Variants in F13A1 observed in about 807,000 individuals in gnomAD.
The protein encoded by F13A1 is FSF, A subunit.
Under a neutral mutation model 80.1 loss-of-function variants are expected in F13A1, and 47 were observed. That is an observed-to-expected ratio of 0.59 (90% CI 0.46 to 0.75). The LOEUF (loss-of-function observed/expected upper bound fraction) is 0.75. Among genes scored for constraint, F13A1 ranks in the 30% least tolerant of loss-of-function variants. The pLI, the probability that F13A1 is intolerant of heterozygous loss-of-function variation, is 0.00. For missense variants in F13A1, 817 were observed against 930.4 expected, an observed-to-expected ratio of 0.88 and a Z score of 1.59; for synonymous variants, 349 against 344.9, an observed-to-expected ratio of 1.01 and a Z score of -0.13.
chr6:6,261,379 C>T (rs1195840567), intron 4 of F13A1, among the ~76,000 whole-genome samples: 3 of 152,214 alleles, frequency 2.0e-5, no homozygotes, highest in Non-Finnish European at 4.4e-5. Context: ...CTCAGCTTCC[C>T]AAGTAGCTGG....
intron 12 of F13A1, among the ~76,000 whole-genome samples, chr6:6,172,722 C>T (rs138058869): frequency 3.5e-4 from 53 of 152,306 alleles, no homozygotes; most frequent in African/African-American, 1.2e-3. Flanking sequence ...GCTGGGATTA[C>T]AGGCATGAGC....
intron 14 of F13A1, among the ~76,000 whole-genome samples, chr6:6,146,860 CAT>C (rs1466603816): frequency 6.6e-6 from 1 of 152,274 alleles, no homozygotes; most frequent in South Asian, 2.1e-4. Context: ...TTTGCACACA[CAT>C]ATTTATAGCA....
In F13A1 at chr6:6,190,012, G is replaced by A. The variant is rs761724830; in HGVS notation, c.1305+5785C>T. ...CTGATACCCTTTCTTCCAGTTGATCGCATCGGCTCCTGAGGCTTCTGCATT... is the reference window on the plus strand; with the variant it reads ...CTGATACCCTTTCTTCCAGTTGATCACATCGGCTCCTGAGGCTTCTGCATT... On this transcript the variant is annotated intron_variant, in intron 10 of 14. Coordinates refer to ENST00000264870, the MANE Select transcript of F13A1 (RefSeq NM_000129.4). Among the ~76,000 whole-genome samples, 224 of 152,020 alleles carry A rather than the reference G, an allele frequency of 1.5e-3. 1 individual carries two copies. Among genetic ancestry groups the A allele is most frequent in the Non-Finnish European group, 9.9e-4 (67 of 67,990 alleles).
At chr6:6,273,084 C>T (rs2113132109) in intron 3 of F13A1, among the ~76,000 whole-genome samples, 1 of 152,284 alleles carries the variant, frequency 6.6e-6, no homozygotes, top group African/African-American at 2.4e-5. Flanking sequence ...ACCCTGAATT[C>T]CTTCCTGCAT....
chr6:6,310,553 G>C lies in F13A1; in HGVS notation c.131-5014C>G, dbSNP rs969704699. On this transcript the variant is annotated intron_variant, in intron 2 of 14. Coordinates refer to ENST00000264870, the MANE Select transcript of F13A1 (RefSeq NM_000129.4). ...TTATTAAGAGAAGTAGAAGAGCATA[G>C]TAAGAGCATAGACTGTGGAGCTAGG... Among the ~76,000 whole-genome samples the C allele has an allele frequency of 1.1e-4, 16 of 152,152 alleles. 1 individual carries two copies. Among genetic ancestry groups the C allele is most frequent in the Non-Finnish European group, 2.4e-4 (16 of 68,030 alleles).
At chr6:6,280,964 A>C (rs1758051865) in intron 3 of F13A1, among the ~76,000 whole-genome samples, 1 of 152,088 alleles carries the variant, frequency 6.6e-6, no homozygotes, top group Non-Finnish European at 1.5e-5. Flanking sequence ...GGAGTTTCAT[A>C]CTGTTTGCGG....
intron 13 of F13A1, among the ~76,000 whole-genome samples, chr6:6,159,397 C>A (rs982183845): frequency 6.6e-6 from 1 of 152,120 alleles, no homozygotes. Flanking sequence ...ATGAAAAGCT[C>A]CAGTTAGAAC....
chr6:6,180,338 A>T (rs915378256), intron 11 of F13A1, among the ~76,000 whole-genome samples: 1 of 152,176 alleles, frequency 6.6e-6, no homozygotes, highest in African/African-American at 2.4e-5. Flanking sequence ...CCTGTGCCAG[A>T]GCAATTCTCA....
At chr6:6,281,962 C>T (rs1305133811) in intron 3 of F13A1, among the ~76,000 whole-genome samples, 2 of 144,500 alleles carry the variant, frequency 1.4e-5, no homozygotes, top group Non-Finnish European at 3.0e-5. Flanking sequence ...CCACTGCACT[C>T]CAGCCTGGGC....
In F13A1 at chr6:6,179,519, G is replaced by A. The variant is rs143122838; in HGVS notation, c.1459+2469C>T. ...TCAGGGTGGTAAGTACTGAGCCACG[G>A]ATATGACGAGTCCTCACTGCATGCC... On this transcript the variant is annotated intron_variant, in intron 11 of 14. Transcript: ENST00000264870. 2.9e-3 allele frequency among the ~76,000 whole-genome samples: 434 copies of A among 152,270 alleles called. 3 individuals are homozygous for A. Among genetic ancestry groups the A allele is most frequent in the African/African-American group, 9.9e-3 (413 of 41,570 alleles).
At chr6:6,180,330 T>C (rs1341852406) in intron 11 of F13A1, among the ~76,000 whole-genome samples, 1 of 152,220 alleles carries the variant, frequency 6.6e-6, no homozygotes, top group African/African-American at 2.4e-5. Context: ...CCGTCCACCC[T>C]GTGCCAGAGC....
intron 3 of F13A1, among the ~76,000 whole-genome samples, chr6:6,303,478 A>G (rs1758465778): frequency 6.6e-6 from 1 of 152,228 alleles, no homozygotes; most frequent in East Asian, 1.9e-4. Flanking sequence ...ATCAAAATAT[A>G]CATTGTGGAT....
At chr6:6,185,713 T>C (rs1297759762) in intron 10 of F13A1, among the ~76,000 whole-genome samples, 1 of 152,124 alleles carries the variant, frequency 6.6e-6, no homozygotes, top group Non-Finnish European at 1.5e-5. Flanking sequence ...GCAGCATGAT[T>C]TATAGTCCTT....
chr6:6,174,948 T>C (rs1760855471), intron 11 of F13A1, 81 bp from the exon 12 acceptor site: 1 of 1,524,382 alleles, frequency 6.6e-7, no homozygotes, highest in Non-Finnish European at 9.1e-7. Flanking sequence ...CACCGTGTAC[T>C]GCACTTGTTG....
intron 6 of F13A1, among the ~76,000 whole-genome samples, chr6:6,242,178 C>A (rs1394338945): frequency 6.6e-6 from 1 of 152,134 alleles, no homozygotes; most frequent in Admixed American, 6.5e-5. Flanking sequence ...CACTAAAGTC[C>A]ATTTCATCTC....
At position 6,182,057 on chromosome 6, in the gene F13A1, A is replaced by C. The variant is rs761295168; in HGVS notation, c.1390T>G (p.Leu464Val). 1 of 1,614,202 alleles carries C rather than the reference A, an allele frequency of 6.2e-7. No individual in the cohort carries two copies. The highest frequency in any genetic ancestry group is 2.2e-5 in the East Asian group (1 of 44,880). ...CCTCCAATTTGTTTGGTCACAATTA[A>C]TTTCCCAATGTGGGTGGCATCCACA... is the stretch of plus-strand genomic sequence containing the variant. The part of the protein sequence containing the change: ...ENVDATHIGK[L>V]IVTKQIGGDG... Residue 464 changes from leucine (L) to valine (V), a missense_variant, in exon 11 of 15, where the codon TTA becomes GTA. Leu to Val is a conservative substitution (Grantham distance 32). Transcript: ENST00000264870.
intron 2 of F13A1, among the ~76,000 whole-genome samples, chr6:6,307,821 T>C (rs1758534938): frequency 6.6e-6 from 1 of 152,180 alleles, no homozygotes; most frequent in Non-Finnish European, 1.5e-5. Context: ...TAAACAACTC[T>C]AATTATTTGA....
In F13A1 at chr6:6,197,330, A is replaced by C. The variant is rs1561651370; in HGVS notation, c.1113-4T>G. The C allele has an allele frequency of 1.2e-6, 2 of 1,613,476 alleles. No individual in the cohort carries two copies. The highest frequency in any genetic ancestry group is 8.5e-7 in the Non-Finnish European group (1 of 1,179,426). On this transcript the variant is annotated splice_polypyrimidine_tract_variant and splice_region_variant and intron_variant, in intron 8 of 14. Transcript: ENST00000264870. ...TTCATTCCAGCAGTGGTAGTTCCTT[A>C]GAAAACACAAGCCCAGAAAGGTTAA...
chr6:6,279,050 C>T (rs1436638796), intron 3 of F13A1, among the ~76,000 whole-genome samples: 2 of 152,188 alleles, frequency 1.3e-5, no homozygotes, highest in East Asian at 3.9e-4. Context: ...CTGGGAAAGG[C>T]AATGTGTTTG....
Sources: gnomAD v4.1 joint callset for allele counts (sites outside exome capture counted in the v4.1 genomes callset) on GRCh38, gnomAD v4.1.1 for gene constraint, MANE v1.5 for transcripts, NCBI Gene and HGNC (gene_info 2026-07-23, HGNC 2026-07-21) for gene names.